Variants in IGSF11 observed in about 807,000 individuals in gnomAD.
IGSF11 encodes immunoglobulin superfamily member 11.
A neutral mutation model predicts 41.0 loss-of-function variants in IGSF11; 22 were observed. The observed-to-expected ratio is 0.54, with a 90% CI of 0.38 to 0.77. The LOEUF (loss-of-function observed/expected upper bound fraction) is 0.77, where lower values mean the gene tolerates loss of function less well. IGSF11 is among the 30% of genes least tolerant of loss of function. The pLI, the probability that IGSF11 is intolerant of heterozygous loss-of-function variation, is 0.00. For missense variants in IGSF11, 444 were observed against 530.8 expected (o/e 0.84, Z 1.61); for synonymous variants, 219 against 201.3 (o/e 1.09, Z -0.74).
At chr3:118,964,281 T>C (rs569154263) in intron 1 of IGSF11, among the ~76,000 whole-genome samples, 1 of 152,222 alleles carries the variant, frequency 6.6e-6, no homozygotes, top group South Asian at 2.1e-4. Flanking sequence ...ATCAAGAAAG[T>C]TGGGTGGGTT....
At chr3:118,911,764 T>C (rs1940341405) in intron 4 of IGSF11, among the ~76,000 whole-genome samples, 1 of 151,840 alleles carries the variant, frequency 6.6e-6, no homozygotes, top group South Asian at 2.1e-4. Context: ...AATATCAAGA[T>C]TCCTGAGTGT....
At chr3:118,909,472 CTT>C (rs923573220) in intron 4 of IGSF11, among the ~76,000 whole-genome samples, 11 of 152,108 alleles carry the variant, frequency 7.2e-5, no homozygotes, top group African/African-American at 2.4e-4. Flanking sequence ...TGTGGAAAAA[CTT>C]AAAGATGACA....
chr3:119,032,695 T>C (rs1043373694), intron 1 of IGSF11, among the ~76,000 whole-genome samples: 1 of 152,228 alleles, frequency 6.6e-6, no homozygotes, highest in African/African-American at 2.4e-5. Context: ...ATTCATTCAA[T>C]GTCCAGATAA....
chr3:119,050,523 T>C (rs1576731619), intron 1 of IGSF11, among the ~76,000 whole-genome samples: 1 of 151,566 alleles, frequency 6.6e-6, no homozygotes, highest in South Asian at 2.1e-4. Flanking sequence ...TGTGGAGAAA[T>C]AGGAACACTT....
chr3:119,086,116 C>G (rs1158867947), intron 1 of IGSF11, among the ~76,000 whole-genome samples: 1 of 152,136 alleles, frequency 6.6e-6, no homozygotes, highest in Non-Finnish European at 1.5e-5. Flanking sequence ...AAGTGTGAAT[C>G]GGCCTTATGT....
intron 1 of IGSF11, among the ~76,000 whole-genome samples, chr3:118,979,089 T>C (rs78958740): frequency 1.0e-3 from 154 of 152,008 alleles, no homozygotes; most frequent in African/African-American, 3.7e-3. Flanking sequence ...GAGATAGATA[T>C]AATAAAAAAG....
chr3:119,027,745 G>A (rs1939960993), intron 1 of IGSF11, among the ~76,000 whole-genome samples: 1 of 152,124 alleles, frequency 6.6e-6, no homozygotes, highest in Non-Finnish European at 1.5e-5. Context: ...TTAAGGCCAG[G>A]AAGTTTAAGA....
chr3:118,948,074 T>C (rs1167754258), intron 1 of IGSF11: 1 of 151,194 alleles, frequency 6.6e-6, no homozygotes, highest in Non-Finnish European at 1.5e-5. Context: ...TGTGTATATA[T>C]ACACACATGT....
At chr3:119,090,568 A>G (rs1411938523) in intron 1 of IGSF11, among the ~76,000 whole-genome samples, 1 of 152,198 alleles carries the variant, frequency 6.6e-6, no homozygotes, top group Non-Finnish European at 1.5e-5. Flanking sequence ...TTAAAAACTC[A>G]GAAATAAAGC....
In IGSF11 at chr3:119,073,471, G is replaced by A. The variant is rs145657438; in HGVS notation, c.49+31673C>T. On this transcript the variant is annotated intron_variant, in intron 1 of 6. Transcript: ENST00000354673. ...CATGGAGCAGGTGGTGGCGCCCATC[G>A]GGGAGGCTCAGGCCGCATGGGAGCC... Among the ~76,000 whole-genome samples, 605 of 152,308 alleles carry A rather than the reference G, an allele frequency of 4.0e-3. 2 individuals carry two copies. Among genetic ancestry groups the A allele is most frequent in the Non-Finnish European group, 6.8e-3 (464 of 68,010 alleles).
At chr3:119,119,688 T>A (rs1290728004) in intron 1 of IGSF11, among the ~76,000 whole-genome samples, 1 of 152,054 alleles carries the variant, frequency 6.6e-6, no homozygotes, top group African/African-American at 2.4e-5. Flanking sequence ...TGAACATGCA[T>A]CTCCCAGAAA....
chr3:118,961,396 A>G (rs1559964592), intron 1 of IGSF11, among the ~76,000 whole-genome samples: 1 of 152,218 alleles, frequency 6.6e-6, no homozygotes, highest in Non-Finnish European at 1.5e-5. Context: ...AGCTCAGGGC[A>G]CTGTATAATA....
intron 1 of IGSF11, among the ~76,000 whole-genome samples, chr3:119,007,676 C>G (rs914276869): frequency 6.6e-6 from 1 of 152,160 alleles, no homozygotes; most frequent in Admixed American, 6.5e-5. Context: ...CCCATCCTTG[C>G]TTTAACCCAT....
chr3:118,929,643 G>A (rs1034046527), intron 2 of IGSF11, among the ~76,000 whole-genome samples: 6 of 151,638 alleles, frequency 4.0e-5, no homozygotes, highest in East Asian at 1.9e-4. Flanking sequence ...ATTCTTTCAC[G>A]TACACATTCT....
At chr3:119,116,772 T>C (rs2077261117) in intron 1 of IGSF11, among the ~76,000 whole-genome samples, 2 of 152,294 alleles carry the variant, frequency 1.3e-5, no homozygotes, top group South Asian at 4.1e-4. Context: ...ACCATTATGG[T>C]AGATTGGCCT....
intron 1 of IGSF11, among the ~76,000 whole-genome samples, chr3:119,022,691 T>C (rs1358690319): frequency 6.6e-6 from 1 of 152,122 alleles, no homozygotes; most frequent in Non-Finnish European, 1.5e-5. Context: ...TGAGATGCCA[T>C]TATGCACCTA....
chr3:118,913,597 A>G (rs1940632119), intron 4 of IGSF11, among the ~76,000 whole-genome samples: 1 of 151,842 alleles, frequency 6.6e-6, no homozygotes, highest in Admixed American at 6.6e-5. Flanking sequence ...ATTTTCAGAA[A>G]AACAAACATG....
chr3:119,007,513 A>G (rs562625903), intron 1 of IGSF11, among the ~76,000 whole-genome samples: 1 of 151,228 alleles, frequency 6.6e-6, no homozygotes, highest in Admixed American at 6.6e-5. Context: ...CTTAAACTGA[A>G]CTCCTATCAC....
chr3:119,002,107 A>G (rs1171805520), intron 1 of IGSF11, among the ~76,000 whole-genome samples: 6 of 133,974 alleles, frequency 4.5e-5, no homozygotes, highest in Non-Finnish European at 7.8e-5. Flanking sequence ...AAGTGTTCCT[A>G]TTTCTCCACA....
Sources: gnomAD v4.1 joint callset for allele counts (sites outside exome capture counted in the v4.1 genomes callset) on GRCh38, gnomAD v4.1.1 for gene constraint, MANE v1.5 for transcripts, NCBI Gene and HGNC (gene_info 2026-07-23, HGNC 2026-07-21) for gene names.